MDGA2: variants seen among roughly 807,000 people sequenced by gnomAD.
MDGA2 encodes the protein MAM domain containing glycosylphosphatidylinositol anchor 2, also known as MAM domain-containing glycosylphosphatidylinositol anchor protein 2.
A neutral mutation model predicts 117.8 loss-of-function variants in MDGA2; 40 were observed. The observed-to-expected ratio is 0.34, with a 90% CI of 0.26 to 0.44. MDGA2 has a LOEUF of 0.44. Among genes scored for constraint, MDGA2 ranks in the 20% least tolerant of loss-of-function variants. The probability of loss-of-function intolerance (pLI) is 1.00; values close to 1 mark genes in which losing one functional copy is unlikely to be tolerated. For synonymous variants in MDGA2, 452 were observed against 439.0 expected, an observed-to-expected ratio of 1.03 and a Z score of -0.37; for missense variants, 1,123 against 1,250.6, an observed-to-expected ratio of 0.90 and a Z score of 1.54.
At chr14:47,500,380 G>A (rs891407166) in intron 1 of MDGA2, among the ~76,000 whole-genome samples, 1 of 151,976 alleles carries the variant, frequency 6.6e-6, no homozygotes, top group African/African-American at 2.4e-5. Flanking sequence ...CACTACAAAA[G>A]AACAGAAAGA....
intron 16 of MDGA2, among the ~76,000 whole-genome samples, chr14:46,842,960 T>C (rs1880677558): frequency 6.6e-6 from 1 of 152,202 alleles, no homozygotes; most frequent in African/African-American, 2.4e-5. Context: ...ACTTAATAAA[T>C]GGTAATTAAA....
intron 3 of MDGA2, among the ~76,000 whole-genome samples, chr14:47,188,070 G>A (rs1302167099): frequency 2.0e-5 from 3 of 151,956 alleles, no homozygotes; most frequent in African/African-American, 4.8e-5. Context: ...AAATGACTCC[G>A]GAAACTGTCT....
intron 3 of MDGA2, among the ~76,000 whole-genome samples, chr14:47,164,510 A>G (rs572675690): frequency 1.3e-5 from 2 of 152,340 alleles, no homozygotes; most frequent in South Asian, 4.1e-4. Context: ...AATGCTCATC[A>G]TCACTGGCCA....
chr14:47,056,507 G>T (rs1349633458), intron 7 of MDGA2, among the ~76,000 whole-genome samples: 2 of 152,100 alleles, frequency 1.3e-5, no homozygotes, highest in Admixed American at 6.6e-5. Context: ...GTAGAAAAAA[G>T]ATCATCAAAA....
intron 1 of MDGA2, among the ~76,000 whole-genome samples, chr14:47,605,059 T>C (rs555172936): frequency 1.4e-5 from 2 of 147,210 alleles, no homozygotes; most frequent in South Asian, 4.2e-4. Flanking sequence ...CCATTTTCAG[T>C]GTCTCATTTT....
chr14:47,638,849 T>C (rs1457394811), intron 1 of MDGA2, among the ~76,000 whole-genome samples: 1 of 152,148 alleles, frequency 6.6e-6, no homozygotes, highest in East Asian at 1.9e-4. Context: ...TACAATTCAT[T>C]ATTAAAATGG....
At chr14:47,225,555 GC>G (rs34792401) in intron 2 of MDGA2, among the ~76,000 whole-genome samples, 124,707 of 149,416 alleles carry the variant, frequency 0.83, 52,255 homozygotes, top group African/African-American at 0.89. Flanking sequence ...GTAAACTATC[GC>G]CAAGGACAAA....
At chr14:47,511,345 C>T (rs1894636090) in intron 1 of MDGA2, among the ~76,000 whole-genome samples, 1 of 152,080 alleles carries the variant, frequency 6.6e-6, no homozygotes, top group Non-Finnish European at 1.5e-5. Flanking sequence ...TAATACAGAA[C>T]ATATCTATTA....
chr14:46,877,164 C>T (rs916202751), intron 12 of MDGA2, among the ~76,000 whole-genome samples: 4 of 151,342 alleles, frequency 2.6e-5, no homozygotes, highest in East Asian at 1.9e-4. Flanking sequence ...CGTGTAACAA[C>T]GATAAAAATG....
chr14:47,111,161 CTTTAT>C (rs1487542359), intron 5 of MDGA2, among the ~76,000 whole-genome samples: 8 of 152,056 alleles, frequency 5.3e-5, no homozygotes, highest in South Asian at 4.1e-4. Context: ...ACTATTATTA[CTTTAT>C]TTTATTTTTT....
chr14:47,674,891 G>C lies in MDGA2; in HGVS notation c.-95C>G, dbSNP rs2138327612. 3.7e-6 allele frequency: 2 copies of C among 542,656 alleles called. No individual in the cohort carries two copies. Among genetic ancestry groups the C allele is most frequent in the East Asian group, 6.8e-5 (2 of 29,198 alleles). 33.6% of individuals were successfully genotyped at this position (542,656 alleles called of 1,614,324 possible). A position where few individuals can be genotyped will look rare whatever the true frequency, so the allele number is the denominator to read the frequency against. ...CGCCGCACTCACACCGGGTGCCTGG[G>C]AAAATCGCAGACGCCGGGGAGGAGC... On this transcript the variant is annotated 5_prime_UTR_variant, in exon 1 of 17. Coordinates refer to ENST00000399232, the MANE Select transcript of MDGA2 (RefSeq NM_001113498.3).
intron 14 of MDGA2, among the ~76,000 whole-genome samples, chr14:46,857,459 C>A (rs1881313160): frequency 6.6e-6 from 1 of 151,996 alleles, no homozygotes; most frequent in Non-Finnish European, 1.5e-5. Context: ...AGTAAACCAT[C>A]ATTTATTTTT....
rs150717535 is a variant in MDGA2 at position 47,276,305 on chromosome 14, A to T, written c.420+25106T>A. 9.8e-5 allele frequency among the ~76,000 whole-genome samples: 15 copies of T among 152,312 alleles called. No individual in the cohort carries two copies. In the East Asian group the frequency reaches 2.3e-3, roughly 23 times the overall value. ...ACTAAGTCTTGGAAATGATAAATTG[A>T]TTAAAAAACATGCTACTATTTAGCC... is the stretch of plus-strand genomic sequence containing the variant. On this transcript the variant is annotated intron_variant, in intron 2 of 16. Coordinates refer to ENST00000399232, the MANE Select transcript of MDGA2 (RefSeq NM_001113498.3).
intron 3 of MDGA2, among the ~76,000 whole-genome samples, chr14:47,213,865 C>T (rs560593463): frequency 6.6e-6 from 1 of 152,164 alleles, no homozygotes; most frequent in Non-Finnish European, 1.5e-5. Flanking sequence ...ATGGTTGGGG[C>T]GACCTCAGTA....
rs1566746810 is a variant in MDGA2, at chr14:47,342,282, A to ATAT, written c.281-40733_281-40732insATA. 1.2e-4 allele frequency among the ~76,000 whole-genome samples: 16 copies of ATAT among 138,674 alleles called. No homozygotes were observed. The South Asian group carries it at 1.5e-3, about 13-fold the overall frequency. 91.0% of individuals were successfully genotyped at this position (138,674 alleles called of 152,430 possible). ...TATATATATATATATATATATATAT[A>ATAT]AAATATGTTATATATATAAATATGT... On this transcript the variant is annotated intron_variant, in intron 1 of 16. Transcript: ENST00000399232.
intron 3 of MDGA2, among the ~76,000 whole-genome samples, chr14:47,156,134 C>G (rs1883378651): frequency 6.6e-6 from 1 of 151,566 alleles, no homozygotes; most frequent in Non-Finnish European, 1.5e-5. Context: ...GTCACAAACA[C>G]CTAACCTCAA....
At chr14:47,566,229 G>C (rs796721874) in intron 1 of MDGA2, among the ~76,000 whole-genome samples, 1 of 152,198 alleles carries the variant, frequency 6.6e-6, no homozygotes, top group Non-Finnish European at 1.5e-5. Flanking sequence ...AGAGCTCTCT[G>C]ATGGTAAGGT....
At chr14:47,132,864 G>C (rs1387757519) in intron 4 of MDGA2, among the ~76,000 whole-genome samples, 1 of 151,724 alleles carries the variant, frequency 6.6e-6, no homozygotes, top group Admixed American at 6.6e-5. Flanking sequence ...AACATTTGTC[G>C]AGTTCTAAAA....
Position 46,960,829 on chromosome 14 carries a change from CAT to C in MDGA2, c.1820-3188_1820-3187del, listed in dbSNP as rs1299303302. On this transcript the variant is annotated intron_variant, in intron 8 of 16. Transcript: ENST00000399232. ...ATGTATACACATATACATATGTGTA[CAT>C]ATAAGTTAAAATACATATATATTTT... Among the ~76,000 whole-genome samples the C allele has an allele frequency of 4.8e-5, 7 of 147,108 alleles. No individual in the cohort carries two copies. In the East Asian group the frequency reaches 9.8e-4, roughly 21 times the overall value.
Sources: allele counts gnomAD v4.1 joint callset (sites outside exome capture counted in the v4.1 genomes callset), GRCh38; gene constraint gnomAD v4.1.1; transcripts MANE v1.5; gene names NCBI Gene and HGNC (gene_info 2026-07-23, HGNC 2026-07-21).